EIF2AK2: variants seen among roughly 807,000 people sequenced by gnomAD.
The protein encoded by EIF2AK2 is interferon-induced, double-stranded RNA-activated protein kinase.
EIF2AK2 carries 40 observed loss-of-function variants against 70.5 expected under a neutral mutation model. The ratio of observed to expected loss-of-function variants is 0.57; its 90% CI spans 0.44 to 0.74. The LOEUF is 0.74. EIF2AK2 is among the 30% of genes least tolerant of loss of function. The probability of loss-of-function intolerance (pLI) is 0.00; values close to 1 mark genes in which losing one functional copy is unlikely to be tolerated. For missense variants in EIF2AK2, 555 were observed against 644.3 expected (o/e 0.86, Z 1.50); for synonymous variants, 198 against 220.9 (o/e 0.90, Z 0.92).
At chr2:37,125,854 GC>G (rs1357505641) in intron 11 of EIF2AK2, among the ~76,000 whole-genome samples, 2 of 152,176 alleles carry the variant, frequency 1.3e-5, no homozygotes, top group African/African-American at 2.4e-5. Context: ...TTACCATCTA[GC>G]TTTTATCTTA....
Position 37,138,328 on chromosome 2 carries a change from G to C in EIF2AK2, c.629C>G (p.Ala210Gly). 3.7e-6 allele frequency: 6 copies of C among 1,613,934 alleles called. No individual in the cohort carries two copies. The highest frequency in any genetic ancestry group is 5.1e-6 in the Non-Finnish European group (6 of 1,179,940). The change falls in exon 8 of 17, where the codon GCA (alanine) becomes GGA (glycine). Residue 210 changes from alanine to glycine, a missense_variant. Coordinates refer to ENST00000233057, the MANE Select transcript of EIF2AK2 (RefSeq NM_001135651.3). ...SESSSEGDFS[A>G]DTSEINSNSD... Reference sequence around the variant, plus strand: ...GTTAGAATTTATCTCTGATGTATCTGCTGAGAAGTCACCTTCAGATGATGA... The same window carrying C: ...GTTAGAATTTATCTCTGATGTATCTCCTGAGAAGTCACCTTCAGATGATGA...
chr2:37,146,724 T>C, intron 4 of EIF2AK2, 129 bp downstream of exon 4: 1 of 1,212,698 alleles, frequency 8.2e-7, no homozygotes, highest in Non-Finnish European at 1.1e-6. Context: ...GGTGAATGAC[T>C]TAACCAAACT....
chr2:37,154,312 C>T (rs1368450661), intron 1 of EIF2AK2, among the ~76,000 whole-genome samples: 3 of 145,738 alleles, frequency 2.1e-5, no homozygotes, highest in African/African-American at 7.6e-5. Flanking sequence ...GCAACAAGAG[C>T]GAAACTCCGT....
chr2:37,130,580 C>T (rs980404809), intron 10 of EIF2AK2, among the ~76,000 whole-genome samples: 6 of 152,202 alleles, frequency 3.9e-5, no homozygotes, highest in African/African-American at 1.4e-4. Flanking sequence ...CTTCCCAATA[C>T]TAGCTATTTC....
At chr2:37,148,433 C>A in intron 2 of EIF2AK2, 3 of 384,890 alleles carry the variant, frequency 7.8e-6, no homozygotes, top group Non-Finnish European at 1.5e-5. Flanking sequence ...TGGATCCTGC[C>A]GGAAGCCAGG....
At chr2:37,153,585 T>G (rs1235608820) in intron 1 of EIF2AK2, among the ~76,000 whole-genome samples, 1 of 152,186 alleles carries the variant, frequency 6.6e-6, no homozygotes, top group Non-Finnish European at 1.5e-5. Context: ...CAAACAGTAT[T>G]TGTCCTTTTG....
chr2:37,138,295 C>A lies in EIF2AK2; in HGVS notation c.662G>T (p.Ser221Ile). 5 of 1,613,740 alleles carry A rather than the reference C, an allele frequency of 3.1e-6. No homozygotes were observed. The highest frequency in any genetic ancestry group is 4.2e-6 in the Non-Finnish European group (5 of 1,179,826). The change falls in exon 8 of 17, where the codon AGT becomes ATT. Residue 221 changes from serine (S) to isoleucine (I), a missense_variant. Physicochemically the swap from Ser to Ile is moderately radical, Grantham distance 142. Coordinates refer to ENST00000233057, the MANE Select transcript of EIF2AK2 (RefSeq NM_001135651.3). ...CATAAGCAACGAAGAACTGTTTAAACTGTCACTGTTAGAATTTATCTCTGA... is the reference window on the plus strand; with the variant it reads ...CATAAGCAACGAAGAACTGTTTAAAATGTCACTGTTAGAATTTATCTCTGA... ...DTSEINSNSD[S>I]LNSSSLLMNG...
chr2:37,147,575 G>C, intron 3 of EIF2AK2, 113 bp downstream of exon 3: 1 of 575,030 alleles, frequency 1.7e-6, no homozygotes, highest in Non-Finnish European at 3.0e-6. Context: ...TGGTTTTTTT[G>C]TCCTTGCGAT....
At chr2:37,127,930 T>TG in intron 10 of EIF2AK2, among the ~76,000 whole-genome samples, 1 of 152,126 alleles carries the variant, frequency 6.6e-6, no homozygotes, top group East Asian at 1.9e-4. Context: ...TTAGTACAGA[T>TG]GGGGTTTCAC....
intron 3 of EIF2AK2, 71 bp from the exon 4 acceptor site, chr2:37,147,044 A>C (rs767099784): frequency 9.6e-5 from 138 of 1,438,394 alleles, no homozygotes; most frequent in Non-Finnish European, 1.3e-4. Context: ...TACTCTAGTC[A>C]TCACTACCTC....
intron 5 of EIF2AK2, among the ~76,000 whole-genome samples, chr2:37,140,644 T>C (rs1256265686): frequency 6.6e-6 from 1 of 151,844 alleles, no homozygotes; most frequent in Non-Finnish European, 1.5e-5. Flanking sequence ...AGGTATCTAA[T>C]GTTAGCATAA....
At chr2:37,137,450 G>A (rs1442468739) in intron 8 of EIF2AK2, among the ~76,000 whole-genome samples, 1 of 152,088 alleles carries the variant, frequency 6.6e-6, no homozygotes, top group African/African-American at 2.4e-5. Flanking sequence ...CTGCTTATGT[G>A]CACAAAAAAA....
chr2:37,151,258 C>T (rs1369300795), intron 1 of EIF2AK2, among the ~76,000 whole-genome samples: 1 of 151,904 alleles, frequency 6.6e-6, no homozygotes, highest in Non-Finnish European at 1.5e-5. Context: ...AAAAGACAAA[C>T]CACCCAATTA....
rs935057235 is a variant in EIF2AK2 at position 37,104,940 on chromosome 2, T to C, written c.*2333A>G. 6.6e-6 allele frequency: 1 copy of C among 152,372 alleles called. No homozygotes were observed. The highest frequency in any genetic ancestry group is 2.1e-4 in the South Asian group (1 of 4,834). The allele number at this position is 152,372 out of a possible 1,614,324, so 9.4% of individuals were successfully genotyped here. On this transcript the variant is annotated 3_prime_UTR_variant, in exon 17 of 17. Transcript: ENST00000233057. ...GTTATTGTGGTGACCATTGTAAAGGTACATTTTCCCCTGTATAATTGATAC... is the reference window on the plus strand; with the variant it reads ...GTTATTGTGGTGACCATTGTAAAGGCACATTTTCCCCTGTATAATTGATAC...
chr2:37,131,141 C>G (rs1674925859), intron 10 of EIF2AK2, among the ~76,000 whole-genome samples: 1 of 152,196 alleles, frequency 6.6e-6, no homozygotes, highest in Non-Finnish European at 1.5e-5. Flanking sequence ...AAGAGGAAAT[C>G]TTGATCAACC....
chr2:37,115,218 T>G (rs973354142), intron 13 of EIF2AK2: 10 of 177,602 alleles, frequency 5.6e-5, no homozygotes, highest in African/African-American at 1.3e-4. Flanking sequence ...CGGCTAGTTT[T>G]TTTTTTTTTT....
chr2:37,143,655 G>T (rs982561547), intron 4 of EIF2AK2, among the ~76,000 whole-genome samples: 3 of 152,102 alleles, frequency 2.0e-5, no homozygotes, highest in Admixed American at 6.6e-5. Context: ...AGGCTGAGGT[G>T]GGCAGATTGC....
chr2:37,120,238 C>G (rs896439585), intron 12 of EIF2AK2, 99 bp from the exon 13 acceptor site: 1 of 817,066 alleles, frequency 1.2e-6, no homozygotes, highest in Admixed American at 4.4e-5. Context: ...TTTTTAAAAG[C>G]TTATACCTTA....
At chr2:37,142,293 G>A (rs1675361914) in intron 4 of EIF2AK2, among the ~76,000 whole-genome samples, 1 of 151,762 alleles carries the variant, frequency 6.6e-6, no homozygotes, top group African/African-American at 2.4e-5. Flanking sequence ...ACCATGCCTG[G>A]GTAATTTTTT....
Sources: allele counts gnomAD v4.1 joint callset (sites outside exome capture counted in the v4.1 genomes callset), GRCh38; gene constraint gnomAD v4.1.1; transcripts MANE v1.5; gene names NCBI Gene and HGNC (gene_info 2026-07-23, HGNC 2026-07-21).